TAF4: variants seen among roughly 807,000 people sequenced by gnomAD.
TAF4 encodes the protein transcription initiation factor TFIID subunit 4.
A neutral mutation model predicts 90.3 loss-of-function variants in TAF4; 9 were observed. That is an observed-to-expected ratio of 0.10 (90% CI 0.06 to 0.17). TAF4 has a LOEUF of 0.17. Among genes scored for constraint, TAF4 ranks in the 10% least tolerant of loss-of-function variants. The pLI is 1.00. For synonymous variants in TAF4, 818 were observed against 638.9 expected, an observed-to-expected ratio of 1.28 and a Z score of -4.23; for missense variants, 1,351 against 1,370.7, an observed-to-expected ratio of 0.99 and a Z score of 0.23.
rs532874544 is a variant in TAF4, at chr20:61,977,058, C to T, written c.3091-723G>A. ...AGGGCACGCGCCACACACACGACACCGCCCAGCGGGGCACACGCCACACAC... is the reference window on the plus strand; with the variant it reads ...AGGGCACGCGCCACACACACGACACTGCCCAGCGGGGCACACGCCACACAC... On this transcript the variant is annotated intron_variant, in intron 14 of 14. Coordinates refer to ENST00000252996, the MANE Select transcript of TAF4 (RefSeq NM_003185.4). Among the ~76,000 whole-genome samples, 8 of 131,812 alleles carry T rather than the reference C, an allele frequency of 6.1e-5. No homozygotes were observed. The South Asian group carries it at 1.4e-3, about 22-fold the overall frequency. 86.5% of individuals were successfully genotyped at this position (131,812 alleles called of 152,430 possible).
At chr20:62,025,908 T>C (rs1333845120) in intron 1 of TAF4, among the ~76,000 whole-genome samples, 1 of 152,172 alleles carries the variant, frequency 6.6e-6, no homozygotes, top group Non-Finnish European at 1.5e-5. Flanking sequence ...GGGTTCACCA[T>C]GCTGACCCTG....
In TAF4 at chr20:62,065,190, C is replaced by A. The variant is rs2056120349; in HGVS notation, c.621G>T (p.Ser207=). 2 of 1,201,638 alleles carry A rather than the reference C, an allele frequency of 1.7e-6. No homozygotes were observed. The highest frequency in any genetic ancestry group is 1.4e-5 in the South Asian group (1 of 71,862). 74.4% of individuals were successfully genotyped at this position (1,201,638 alleles called of 1,614,324 possible). Residue 207 remains serine, a synonymous_variant, in exon 1 of 15, where the codon TCG becomes TCT. Coordinates refer to ENST00000252996, the MANE Select transcript of TAF4 (RefSeq NM_003185.4). Reference sequence around the variant, plus strand: ...TGACAGCAGGTGCGGCGGCGTGGTGCGAGTTCAGCAGCGCGGCGCTCCCAT... The same window carrying A: ...TGACAGCAGGTGCGGCGGCGTGGTGAGAGTTCAGCAGCGCGGCGCTCCCAT... ...TLNGSAALLN[S]HHAAAPAVSL...
At position 62,061,498 on chromosome 20, in the gene TAF4, G is replaced by A. The variant is rs372446447; in HGVS notation, c.1360+2953C>T. On this transcript the variant is annotated intron_variant, in intron 1 of 14. Transcript: ENST00000252996. The stretch of plus-strand genomic sequence containing the variant: ...GTAAATTCTGCATGAAAGCACAATA[G>A]ACCAAGATACACTGAAGAAAATGTG... Among the ~76,000 whole-genome samples the A allele has an allele frequency of 1.1e-4, 16 of 152,338 alleles. 1 individual carries two copies. Among genetic ancestry groups the A allele is most frequent in the African/African-American group, 3.8e-4 (16 of 41,574 alleles).
intron 3 of TAF4, 85 bp downstream of exon 3, chr20:62,012,730 A>G (rs2055786478): frequency 3.0e-6 from 4 of 1,354,106 alleles, no homozygotes; most frequent in Admixed American, 2.9e-5. Flanking sequence ...AAAAAAAAAA[A>G]ACTCCTAAGG....
chr20:62,003,007 G>C (rs532299547), intron 9 of TAF4, among the ~76,000 whole-genome samples, 153 bp downstream of exon 9: 1 of 152,212 alleles, frequency 6.6e-6, no homozygotes, highest in East Asian at 1.9e-4. Context: ...TTGTGTGAAC[G>C]TGAGGTCAAA....
intron 2 of TAF4, 49 bp downstream of exon 2, chr20:62,014,498 G>C (rs766381697): frequency 6.5e-7 from 1 of 1,541,156 alleles, no homozygotes. Flanking sequence ...CGTGGGGAGA[G>C]GGGCTGGGCA....
chr20:62,003,696 G>A, intron 8 of TAF4, 35 bp downstream of exon 8: 1 of 1,544,634 alleles, frequency 6.5e-7, no homozygotes, highest in Middle Eastern at 1.7e-4. Context: ...AGCAGCCCTT[G>A]GTGTTGAGCG....
chr20:62,004,328 C>T (rs148094766), intron 7 of TAF4, among the ~76,000 whole-genome samples: 1,829 of 117,142 alleles, frequency 0.016, 57 homozygotes, highest in African/African-American at 0.053. Context: ...CTTTTCTTTT[C>T]TTTTTTTTTT....
chr20:62,002,120 T>C (rs922555605), intron 9 of TAF4, among the ~76,000 whole-genome samples: 8 of 152,118 alleles, frequency 5.3e-5, no homozygotes, highest in African/African-American at 9.7e-5. Context: ...GACAGCAAAA[T>C]ACCAAGGCTT....
chr20:61,977,717 G>A (rs972568115), intron 14 of TAF4, among the ~76,000 whole-genome samples: 11 of 152,148 alleles, frequency 7.2e-5, no homozygotes, highest in African/African-American at 1.9e-4. Context: ...TGAAGCCTCC[G>A]CACTCCACAC....
At chr20:62,059,683 C>A (rs1402526289) in intron 1 of TAF4, among the ~76,000 whole-genome samples, 1 of 152,228 alleles carries the variant, frequency 6.6e-6, no homozygotes, top group Non-Finnish European at 1.5e-5. Context: ...CTGAGCCGGG[C>A]ACCACAGGTG....
chr20:62,046,469 C>T (rs534580544), intron 1 of TAF4, among the ~76,000 whole-genome samples: 2 of 152,230 alleles, frequency 1.3e-5, no homozygotes, highest in South Asian at 4.1e-4. Flanking sequence ...CTTTCCCTCC[C>T]GGCTTCTTGC....
At position 62,064,560 on chromosome 20, in the gene TAF4, C is replaced by A; in HGVS notation, c.1251G>T (p.Thr417=). 2 of 1,516,654 alleles carry A rather than the reference C, an allele frequency of 1.3e-6. No homozygotes were observed. The highest frequency in any genetic ancestry group is 2.1e-5 in the Admixed American group (1 of 48,090). 93.9% of individuals were successfully genotyped at this position (1,516,654 alleles called of 1,614,324 possible). A position where few individuals can be genotyped will look rare whatever the true frequency, so the allele number is the denominator to read the frequency against. Residue 417 remains threonine (T), a synonymous_variant, in exon 1 of 15, where the codon ACG becomes ACT. Transcript: ENST00000252996. ...TGGCCCGAATCCCGCTGGTGGTGGC[C>A]GTGGGCGTCCGGGACAGGCTCTGGG... The part of the protein sequence containing the change: ...AVTQSLSRTP[T]ATTSGIRATL...
intron 1 of TAF4, among the ~76,000 whole-genome samples, chr20:62,030,897 C>T (rs748040850): frequency 1.2e-4 from 18 of 152,322 alleles, no homozygotes; most frequent in Non-Finnish European, 2.9e-5. Context: ...CTCCACAATA[C>T]GATGGCCTCC....
At chr20:62,046,584 T>C (rs913689139) in intron 1 of TAF4, among the ~76,000 whole-genome samples, 8 of 152,252 alleles carry the variant, frequency 5.3e-5, no homozygotes, top group African/African-American at 1.7e-4. Context: ...TCACATCACC[T>C]GTCACCACTC....
intron 1 of TAF4, among the ~76,000 whole-genome samples, chr20:62,049,949 A>C (rs1198213132): frequency 6.6e-6 from 1 of 152,064 alleles, no homozygotes; most frequent in Non-Finnish European, 1.5e-5. Context: ...GCAGAAACCC[A>C]ACCTGTCACG....
In TAF4 at chr20:61,991,880, C is replaced by G. The variant is rs562383162; in HGVS notation, c.3090+5670G>C. Among the ~76,000 whole-genome samples, 36 of 152,198 alleles carry G rather than the reference C, an allele frequency of 2.4e-4. 1 individual carries two copies. The highest frequency in any genetic ancestry group is 7.0e-4 in the African/African-American group (29 of 41,532). ...GCCGGCTTCCGAGAAAAAGGACACC[C>G]AGGGAAGAAAAACACGTGGCCTACA... On this transcript the variant is annotated intron_variant, in intron 14 of 14. Transcript: ENST00000252996.
intron 1 of TAF4, among the ~76,000 whole-genome samples, chr20:62,038,905 T>C (rs2055948490): frequency 6.6e-6 from 1 of 152,016 alleles, no homozygotes. Flanking sequence ...ATACAAAAAT[T>C]AGCCGGGTGT....
intron 14 of TAF4, among the ~76,000 whole-genome samples, chr20:61,979,881 C>A (rs947461721): frequency 6.6e-6 from 1 of 152,158 alleles, no homozygotes; most frequent in African/African-American, 2.4e-5. Flanking sequence ...CGTGCAGGCG[C>A]GACGGCCACT....
Sources: gnomAD v4.1 joint callset for allele counts (sites outside exome capture counted in the v4.1 genomes callset) on GRCh38, gnomAD v4.1.1 for gene constraint, MANE v1.5 for transcripts, NCBI Gene and HGNC (gene_info 2026-07-23, HGNC 2026-07-21) for gene names.